The following ESRRG variants were observed in gnomAD, a reference collection of about 807,000 sequenced individuals.
ESRRG encodes estrogen related receptor gamma.
Under a neutral mutation model 44.0 loss-of-function variants are expected in ESRRG, and 13 were observed. The observed-to-expected ratio is 0.30, with a 90% CI of 0.19 to 0.47. ESRRG has a LOEUF of 0.47. Among genes scored for constraint, ESRRG ranks in the 20% least tolerant of loss-of-function variants. The pLI is 1.00. For synonymous variants in ESRRG, 215 were observed against 214.6 expected (o/e 1.00, Z -0.02); for missense variants, 395 against 580.6 (o/e 0.68, Z 3.29).
chr1:216,823,607 A>T (rs1360819480), intron 2 of ESRRG, among the ~76,000 whole-genome samples: 2 of 152,146 alleles, frequency 1.3e-5, no homozygotes, highest in East Asian at 3.9e-4. Flanking sequence ...AAATCACTTA[A>T]CTTTATTTCC....
At chr1:217,028,962 C>T (rs1459875987) in intron 1 of ESRRG, among the ~76,000 whole-genome samples, 1 of 152,194 alleles carries the variant, frequency 6.6e-6, no homozygotes, top group African/African-American at 2.4e-5. Context: ...CTCTATGCTA[C>T]AACACTGGAC....
chr1:216,640,580 T>G (rs1203922711), intron 3 of ESRRG, among the ~76,000 whole-genome samples: 11 of 152,034 alleles, frequency 7.2e-5, no homozygotes, highest in African/African-American at 2.7e-4. Flanking sequence ...CAGTGTCAGT[T>G]ACGGGGACTT....
At chr1:216,964,598 G>C (rs963615181) in intron 1 of ESRRG, among the ~76,000 whole-genome samples, 1 of 152,152 alleles carries the variant, frequency 6.6e-6, no homozygotes, top group Non-Finnish European at 1.5e-5. Context: ...CACTGAGCGT[G>C]AATCTGTATG....
At chr1:216,994,557 A>C (rs1469093029) in intron 1 of ESRRG, among the ~76,000 whole-genome samples, 1 of 152,120 alleles carries the variant, frequency 6.6e-6, no homozygotes, top group Non-Finnish European at 1.5e-5. Context: ...GTATTTGACA[A>C]CACTCAATTC....
At chr1:216,596,358 C>T (rs2058438023) in intron 3 of ESRRG, among the ~76,000 whole-genome samples, 1 of 152,162 alleles carries the variant, frequency 6.6e-6, no homozygotes, top group Admixed American at 6.5e-5. Context: ...GGCCACTGCC[C>T]AGCTTCAGAG....
rs759070220 is a variant in ESRRG, at chr1:216,677,433, T to C, written c.115A>G (p.Ile39Val). The C allele has an allele frequency of 6.2e-7, 1 of 1,614,014 alleles. No homozygotes were observed. The highest frequency in any genetic ancestry group is 1.1e-5 in the South Asian group (1 of 91,078). ...GCTGGGCTGGAAGGTTCCGTCTTGA[T>C]GAAGGACGAACAGCTGGAATCAATG... ...RHIDSSCSSF[I>V]KTEPSSPASL... Residue 39 changes from isoleucine to valine, a missense_variant, in exon 2 of 7, where the codon ATC (isoleucine) becomes GTC (valine). By Grantham distance (29) the Ile-to-Val change is conservative. Around this residue, in one of 5 missense-constraint regions of ESRRG, gnomAD observed 148 missense variants for 150.4 expected, o/e 0.98. Coordinates refer to ENST00000408911, the MANE Select transcript of ESRRG (RefSeq NM_001438.4).
chr1:217,083,651 A>G (rs2091908041), intron 1 of ESRRG, among the ~76,000 whole-genome samples: 1 of 152,212 alleles, frequency 6.6e-6, no homozygotes, highest in Non-Finnish European at 1.5e-5. Flanking sequence ...TACAAAGAGC[A>G]CAGTTCTAAC....
intron 2 of ESRRG, among the ~76,000 whole-genome samples, chr1:216,805,587 A>G (rs866712592): frequency 2.0e-5 from 3 of 152,158 alleles, no homozygotes. Context: ...CACACTGTCC[A>G]ATTTGGTCAA....
At chr1:217,046,886 A>T (rs543585504) in intron 1 of ESRRG, among the ~76,000 whole-genome samples, 67 of 109,054 alleles carry the variant, frequency 6.1e-4, no homozygotes, top group African/African-American at 1.5e-3. Context: ...CCTGTCTCAT[A>T]AAAAAAAAGG....
chr1:216,973,982 C>T (rs987643065), intron 1 of ESRRG, among the ~76,000 whole-genome samples: 8 of 152,116 alleles, frequency 5.3e-5, no homozygotes, highest in South Asian at 4.1e-4. Context: ...ACTGTGTTAT[C>T]CTAATTGTCC....
chr1:216,993,206 AG>A, intron 1 of ESRRG, among the ~76,000 whole-genome samples: 1 of 152,338 alleles, frequency 6.6e-6, no homozygotes, highest in South Asian at 2.1e-4. Context: ...TTTAGCCACA[AG>A]AAATTGAACC....
At position 216,712,567 on chromosome 1, in the gene ESRRG, G is replaced by A. The variant is rs142282708; in HGVS notation, c.56+10677C>T. Reference sequence around the variant, plus strand: ...GCAGCTGTGCGCTTTATCAAGGTGCGCTACCTGCTGCTGCCTCCCAGCACT... The same window carrying A: ...GCAGCTGTGCGCTTTATCAAGGTGCACTACCTGCTGCTGCCTCCCAGCACT... On this transcript the variant is annotated intron_variant, in intron 1 of 6. Coordinates refer to ENST00000408911, the MANE Select transcript of ESRRG (RefSeq NM_001438.4). Among the ~76,000 whole-genome samples the A allele has an allele frequency of 2.8e-3, 425 of 152,320 alleles. 1 individual carries two copies. Among genetic ancestry groups the A allele is most frequent in the Non-Finnish European group, 4.9e-3 (330 of 68,030 alleles).
rs34966912 is a variant in ESRRG, at chr1:216,524,250, TTATA to T, written c.863-4833_863-4830del. 6.0e-4 allele frequency among the ~76,000 whole-genome samples: 85 copies of T among 140,722 alleles called. 1 individual carries two copies. The East Asian group carries it at 0.015, about 25-fold the overall frequency. 92.3% of individuals were successfully genotyped at this position (140,722 alleles called of 152,430 possible). ...ATATACATATATATATATATGTAAG[TTATA>T]TATATATATATATAGTCTCTTGCAG... On this transcript the variant is annotated intron_variant, in intron 5 of 6. Coordinates refer to ENST00000408911, the MANE Select transcript of ESRRG (RefSeq NM_001438.4).
chr1:216,508,391 T>C (rs952422930), intron 6 of ESRRG, among the ~76,000 whole-genome samples: 1 of 152,232 alleles, frequency 6.6e-6, no homozygotes, highest in South Asian at 2.1e-4. Context: ...GGTAGTTTAA[T>C]GACACCTCTT....
intron 2 of ESRRG, among the ~76,000 whole-genome samples, chr1:216,926,653 T>C (rs532591150): frequency 9.8e-4 from 149 of 152,334 alleles, no homozygotes; most frequent in Middle Eastern, 3.4e-3. Context: ...GAGAGGGACA[T>C]TGCACTTGCA....
chr1:216,556,557 C>T (rs2057623381), intron 5 of ESRRG, among the ~76,000 whole-genome samples: 1 of 152,158 alleles, frequency 6.6e-6, no homozygotes, highest in Non-Finnish European at 1.5e-5. Context: ...CTCAGGTCAT[C>T]TTCAGCTAAA....
intron 3 of ESRRG, among the ~76,000 whole-genome samples, chr1:216,618,999 C>G (rs1331649754): frequency 6.6e-6 from 1 of 152,192 alleles, no homozygotes; most frequent in Non-Finnish European, 1.5e-5. Context: ...GAATTTGAGT[C>G]TCATGAGTGG....
At chr1:217,084,309 T>A (rs2091948159) in intron 1 of ESRRG, among the ~76,000 whole-genome samples, 1 of 152,204 alleles carries the variant, frequency 6.6e-6, no homozygotes, top group Admixed American at 6.5e-5. Flanking sequence ...GGTTATAAAC[T>A]GTAACTCACT....
intron 1 of ESRRG, among the ~76,000 whole-genome samples, chr1:216,943,319 C>T (rs1450591483): frequency 1.3e-5 from 2 of 152,176 alleles, no homozygotes; most frequent in African/African-American, 4.8e-5. Context: ...TACACCATCC[C>T]TACCATCACC....
Sources: allele counts gnomAD v4.1 joint callset (sites outside exome capture counted in the v4.1 genomes callset), GRCh38; gene constraint gnomAD v4.1.1; regional missense constraint gnomAD v4.1.1; transcripts MANE v1.5; gene names NCBI Gene and HGNC (gene_info 2026-07-23, HGNC 2026-07-21).